The following HDAC9 variants were observed in gnomAD, a reference collection of about 807,000 sequenced individuals.
HDAC9 encodes the protein histone deacetylase 9.
In HDAC9, 41 loss-of-function variants were observed where a neutral mutation model predicts 139.4. The observed-to-expected ratio is 0.29, with a 90% CI of 0.23 to 0.38. The LOEUF (loss-of-function observed/expected upper bound fraction) is 0.38, where lower values mean the gene tolerates loss of function less well. Among genes scored for constraint, HDAC9 ranks in the 10% least tolerant of loss-of-function variants. The probability of loss-of-function intolerance (pLI) is 1.00; values close to 1 mark genes in which losing one functional copy is unlikely to be tolerated. For missense variants in HDAC9, 1,147 were observed against 1,297.0 expected (o/e 0.88, Z 1.78); for synonymous variants, 517 against 476.2 (o/e 1.09, Z -1.12).
chr7:18,131,133 C>T (rs1369580897), intron 1 of HDAC9, among the ~76,000 whole-genome samples: 1 of 152,054 alleles, frequency 6.6e-6, no homozygotes, highest in East Asian at 1.9e-4. Context: ...CACAAAGCTT[C>T]CATCCACCTC....
At chr7:18,748,984 T>C (rs1788221332) in intron 13 of HDAC9, 21 bp from the exon 14 acceptor site, 1 of 1,611,124 alleles carries the variant, frequency 6.2e-7, no homozygotes, top group Non-Finnish European at 8.5e-7. Context: ...AATCTTGTCC[T>C]GTATTTCCCT....
chr7:18,418,338 T>C (rs187046287), intron 1 of HDAC9, among the ~76,000 whole-genome samples: 1 of 151,964 alleles, frequency 6.6e-6, no homozygotes, highest in Admixed American at 6.6e-5. Context: ...TAGTATTTTT[T>C]CTATTGAATA....
intron 11 of HDAC9, among the ~76,000 whole-genome samples, chr7:18,664,926 A>C (rs187487325): frequency 6.6e-6 from 1 of 152,262 alleles, no homozygotes; most frequent in East Asian, 1.9e-4. Context: ...CATAGTTGGC[A>C]CTCAGTAAAT....
At chr7:18,930,146 G>A (rs917020742) in intron 22 of HDAC9, among the ~76,000 whole-genome samples, 1 of 152,066 alleles carries the variant, frequency 6.6e-6, no homozygotes, top group African/African-American at 2.4e-5. Flanking sequence ...GGAAACTGAT[G>A]CCCTATGTGG....
intron 1 of HDAC9, among the ~76,000 whole-genome samples, chr7:18,481,444 T>C (rs1353664229): frequency 1.3e-5 from 2 of 152,170 alleles, no homozygotes; most frequent in Admixed American, 1.3e-4. Flanking sequence ...TACTTAGATA[T>C]TACTTTTGGG....
chr7:18,984,952 G>C (rs1012915853), intron 25 of HDAC9, among the ~76,000 whole-genome samples: 5 of 152,078 alleles, frequency 3.3e-5, no homozygotes, highest in Non-Finnish European at 7.4e-5. Flanking sequence ...TTTTATTTCT[G>C]CACAGCCTTG....
At chr7:18,802,890 G>T (rs1215772885) in intron 17 of HDAC9, among the ~76,000 whole-genome samples, 2 of 151,200 alleles carry the variant, frequency 1.3e-5, no homozygotes, top group African/African-American at 2.4e-5. Context: ...TACATACTAG[G>T]TCTATCTCCT....
chr7:18,206,161 G>A (rs980838947), intron 2 of HDAC9, among the ~76,000 whole-genome samples: 2 of 152,092 alleles, frequency 1.3e-5, no homozygotes, highest in African/African-American at 4.8e-5. Flanking sequence ...TTATAGTCAT[G>A]GAAACCTGTG....
chr7:18,274,461 A>G (rs1796584114), intron 2 of HDAC9, among the ~76,000 whole-genome samples: 2 of 152,000 alleles, frequency 1.3e-5, no homozygotes, highest in African/African-American at 4.8e-5. Flanking sequence ...AAGGCCAAGA[A>G]CTCACTCACC....
intron 2 of HDAC9, among the ~76,000 whole-genome samples, chr7:18,169,910 C>T (rs572701534): frequency 8.0e-4 from 122 of 152,276 alleles, no homozygotes; most frequent in African/African-American, 2.7e-3. Context: ...AATAGTGCCG[C>T]AATAAACATA....
intron 2 of HDAC9, among the ~76,000 whole-genome samples, chr7:18,238,805 C>G (rs943344413): frequency 3.3e-5 from 5 of 152,172 alleles, no homozygotes; most frequent in Admixed American, 6.5e-5. Context: ...GAATGTTCCG[C>G]TAACTTTTAG....
chr7:18,544,937 A>G (rs1814282198), intron 2 of HDAC9, among the ~76,000 whole-genome samples: 1 of 152,178 alleles, frequency 6.6e-6, no homozygotes, highest in Non-Finnish European at 1.5e-5. Flanking sequence ...CTTTGGCGAT[A>G]TCTGGAGACA....
intron 24 of HDAC9, among the ~76,000 whole-genome samples, chr7:18,965,888 C>CG (rs1254969296): frequency 6.6e-6 from 1 of 152,092 alleles, no homozygotes; most frequent in African/African-American, 2.4e-5. Flanking sequence ...TAGTAAGGGG[C>CG]GGGACATGTG....
At chr7:18,354,125 T>A (rs1783073029) in intron 1 of HDAC9, among the ~76,000 whole-genome samples, 4 of 152,120 alleles carry the variant, frequency 2.6e-5, no homozygotes, top group African/African-American at 4.8e-5. Context: ...ATATAGGGTG[T>A]GGATGAATGA....
At chr7:18,847,887 T>C (rs903602153) in intron 21 of HDAC9, among the ~76,000 whole-genome samples, 1 of 152,242 alleles carries the variant, frequency 6.6e-6, no homozygotes, top group Non-Finnish European at 1.5e-5. Context: ...TCCTATTTCC[T>C]GCCCTATTTA....
chr7:18,807,103 T>G (rs938170785), intron 17 of HDAC9, among the ~76,000 whole-genome samples: 4 of 152,196 alleles, frequency 2.6e-5, no homozygotes, highest in Non-Finnish European at 1.5e-5. Flanking sequence ...TTGTTGGGAT[T>G]TTTAAATTTT....
In HDAC9 at chr7:18,600,625, A is replaced by G. The variant is rs1190869979; in HGVS notation, c.664+6596A>G. Among the ~76,000 whole-genome samples, 5 of 152,066 alleles carry G rather than the reference A, an allele frequency of 3.3e-5. No homozygotes were observed. The East Asian group carries it at 9.6e-4, about 29-fold the overall frequency. ...ATTTCTGGGCTCTCTATTCTACTTC[A>G]CTGATCTACTTGTCTGTTCTTTTGC... is the stretch of plus-strand genomic sequence containing the variant. On this transcript the variant is annotated intron_variant, in intron 6 of 25. Coordinates refer to ENST00000686413, the MANE Select transcript of HDAC9 (RefSeq NM_178425.4).
chr7:18,830,673 C>T lies in HDAC9; in HGVS notation c.2466+1125C>T, dbSNP rs1186105436. Among the ~76,000 whole-genome samples the T allele has an allele frequency of 2.6e-5, 4 of 152,268 alleles. No individual in the cohort carries two copies. In the South Asian group the frequency reaches 6.2e-4, roughly 24 times the overall value. The stretch of plus-strand genomic sequence containing the variant: ...AGAACGATACCCATTTGTTGTGCTT[C>T]GTTGCAATGGGTATTTTTCACACAC... On this transcript the variant is annotated intron_variant, in intron 19 of 25. Coordinates refer to ENST00000686413, the MANE Select transcript of HDAC9 (RefSeq NM_178425.4).
intron 2 of HDAC9, among the ~76,000 whole-genome samples, chr7:18,283,256 A>G (rs1797219332): frequency 6.6e-6 from 1 of 152,122 alleles, no homozygotes; most frequent in African/African-American, 2.4e-5. Context: ...AGGAGGGAGC[A>G]AAGGGGGAAG....
Sources: gnomAD v4.1 joint callset for allele counts (sites outside exome capture counted in the v4.1 genomes callset) on GRCh38, gnomAD v4.1.1 for gene constraint, MANE v1.5 for transcripts, NCBI Gene and HGNC (gene_info 2026-07-23, HGNC 2026-07-21) for gene names.